PTPRD: variants seen among roughly 807,000 people sequenced by gnomAD.
PTPRD encodes protein tyrosine phosphatase receptor type D, also known as receptor-type tyrosine-protein phosphatase delta.
In PTPRD, 34 loss-of-function variants were observed where a neutral mutation model predicts 214.5. The observed-to-expected ratio is 0.16, with a 90% confidence interval of 0.12 to 0.21. The LOEUF is 0.21. Ranked by LOEUF, PTPRD falls within the 10% of genes least tolerant of loss-of-function variation. The probability of loss-of-function intolerance (pLI) is 1.00; values close to 1 mark genes in which losing one functional copy is unlikely to be tolerated. For missense variants in PTPRD, 2,545 were observed against 2,398.7 expected (o/e 1.06, Z -1.27); for synonymous variants, 1,128 against 845.7 (o/e 1.33, Z -5.79).
chr9:10,134,990 C>A (rs1268331867), intron 3 of PTPRD, among the ~76,000 whole-genome samples: 1 of 152,010 alleles, frequency 6.6e-6, no homozygotes, highest in African/African-American at 2.4e-5. Flanking sequence ...GGAAAACGGT[C>A]CAACAGCTGA....
chr9:10,279,097 C>G (rs75078712), intron 3 of PTPRD, among the ~76,000 whole-genome samples: 1 of 152,024 alleles, frequency 6.6e-6, no homozygotes. Flanking sequence ...AAGTTTTTAA[C>G]GGAACTCTGC....
chr9:8,929,681 T>TTATATATGTGTATATATATATGTGTGTA (rs2098930775), intron 11 of PTPRD, among the ~76,000 whole-genome samples: 1 of 119,768 alleles, frequency 8.3e-6, no homozygotes, highest in Non-Finnish European at 1.7e-5. Context: ...AGGTTTTCTT[T>TTATATATGTGTATATATATATGTGTGTA]TATATATGTG....
Position 8,317,988 on chromosome 9 carries a change from G to C in PTPRD, c.5671-46C>G, listed in dbSNP as rs748609852. On this transcript the variant is annotated intron_variant, in intron 45 of 45. Coordinates refer to ENST00000381196, the MANE Select transcript of PTPRD (RefSeq NM_002839.4). ...GGAGAAGCAAAAGAAGGGACCATGA[G>C]CATATTTTAATAGAAAAATAAAAAT... is the stretch of plus-strand genomic sequence containing the variant. The C allele has an allele frequency of 5.3e-6, 8 of 1,506,842 alleles. No homozygotes were observed. In the South Asian group the frequency reaches 5.7e-5, roughly 11 times the overall value. The allele number at this position is 1,506,842 out of a possible 1,614,324, so 93.3% of individuals were successfully genotyped here.
intron 43 of PTPRD, among the ~76,000 whole-genome samples, chr9:8,338,687 G>C (rs886955749): frequency 2.0e-5 from 3 of 152,050 alleles, no homozygotes; most frequent in East Asian, 3.9e-4. Flanking sequence ...CCAAGGTTGA[G>C]CTGCCAGATG....
At chr9:9,603,645 G>A (rs2093942071) in intron 7 of PTPRD, among the ~76,000 whole-genome samples, 1 of 152,108 alleles carries the variant, frequency 6.6e-6, no homozygotes, top group African/African-American at 2.4e-5. Flanking sequence ...TGAGGGATCT[G>A]AGTTTGGAGC....
At chr9:10,041,921 C>T (rs949213034) in intron 3 of PTPRD, among the ~76,000 whole-genome samples, 7 of 151,998 alleles carry the variant, frequency 4.6e-5, no homozygotes, top group African/African-American at 7.2e-5. Flanking sequence ...TAACATCCTC[C>T]TTAGAAGCAC....
intron 3 of PTPRD, among the ~76,000 whole-genome samples, chr9:10,183,784 A>C (rs1449966313): frequency 2.0e-5 from 3 of 152,186 alleles, no homozygotes; most frequent in Non-Finnish European, 4.4e-5. Flanking sequence ...AGCTCCAAGA[A>C]AATCAAAGCC....
At chr9:10,044,163 T>C (rs2097347877) in intron 3 of PTPRD, among the ~76,000 whole-genome samples, 2 of 151,778 alleles carry the variant, frequency 1.3e-5, no homozygotes. Context: ...TGTGAATGTG[T>C]AGAATGGATA....
chr9:9,275,236 T>A, intron 9 of PTPRD, among the ~76,000 whole-genome samples: 1 of 116,936 alleles, frequency 8.6e-6, no homozygotes, highest in African/African-American at 3.3e-5. Context: ...CATTTCATGC[T>A]CTTTGAATTT....
chr9:9,682,547 C>G (rs1165122472), intron 7 of PTPRD, among the ~76,000 whole-genome samples: 1 of 151,402 alleles, frequency 6.6e-6, no homozygotes, highest in Non-Finnish European at 1.5e-5. Context: ...AAGTGTGGGT[C>G]CTTATGGAGG....
chr9:9,195,646 CAG>C lies in PTPRD; in HGVS notation c.-202-12285_-202-12284del, dbSNP rs370732117. On this transcript the variant is annotated intron_variant, in intron 9 of 45. Coordinates refer to ENST00000381196, the MANE Select transcript of PTPRD (RefSeq NM_002839.4). Reference sequence around the variant, plus strand: ...ATTTGAATGGAGCATTCGCTTCCCACAGAGTCTGTGGTATTGTTGCTTTCAGC... The same window carrying C: ...ATTTGAATGGAGCATTCGCTTCCCACAGTCTGTGGTATTGTTGCTTTCAGC... Among the ~76,000 whole-genome samples the C allele has an allele frequency of 1.3e-4, 19 of 151,236 alleles. No individual in the cohort carries two copies. In the East Asian group the frequency reaches 2.2e-3, roughly 17 times the overall value.
At chr9:8,928,823 G>A (rs1024773690) in intron 11 of PTPRD, among the ~76,000 whole-genome samples, 13 of 152,108 alleles carry the variant, frequency 8.5e-5, no homozygotes, top group African/African-American at 3.1e-4. Context: ...CTATCCATGA[G>A]GATGGAATGT....
chr9:9,920,729 C>T (rs777463290), intron 5 of PTPRD, among the ~76,000 whole-genome samples: 1 of 152,004 alleles, frequency 6.6e-6, no homozygotes, highest in Non-Finnish European at 1.5e-5. Context: ...TATAGCCTGT[C>T]GATAACTAAA....
chr9:9,284,797 C>T (rs887161291), intron 9 of PTPRD, among the ~76,000 whole-genome samples: 1 of 151,746 alleles, frequency 6.6e-6, no homozygotes, highest in Non-Finnish European at 1.5e-5. Flanking sequence ...GACCACTTAA[C>T]CTTAACCTTT....
intron 2 of PTPRD, among the ~76,000 whole-genome samples, chr9:10,512,548 T>C (rs1027426773): frequency 6.6e-6 from 1 of 152,148 alleles, no homozygotes; most frequent in African/African-American, 2.4e-5. Flanking sequence ...TTTTATTTAA[T>C]TTCTACTTTA....
At chr9:9,253,925 G>C (rs2099976553) in intron 9 of PTPRD, among the ~76,000 whole-genome samples, 1 of 152,076 alleles carries the variant, frequency 6.6e-6, no homozygotes, top group Admixed American at 6.6e-5. Flanking sequence ...TCTGTGCCTA[G>C]TTCAGCCTCT....
At chr9:9,515,611 A>T (rs898880743) in intron 8 of PTPRD, among the ~76,000 whole-genome samples, 2 of 152,032 alleles carry the variant, frequency 1.3e-5, no homozygotes, top group African/African-American at 2.4e-5. Context: ...AACAATTATG[A>T]TTACAAGATA....
chr9:8,973,940 C>T (rs2099253722), intron 11 of PTPRD, among the ~76,000 whole-genome samples: 1 of 151,794 alleles, frequency 6.6e-6, no homozygotes, highest in South Asian at 2.1e-4. Flanking sequence ...GTTTACATTT[C>T]TTATAGATTC....
chr9:9,316,296 A>G (rs914849695), intron 9 of PTPRD, among the ~76,000 whole-genome samples: 5 of 152,028 alleles, frequency 3.3e-5, no homozygotes, highest in African/African-American at 1.2e-4. Context: ...GAAATACAAT[A>G]TCTGACAAGC....
Sources: gnomAD v4.1 joint callset for allele counts (sites outside exome capture counted in the v4.1 genomes callset) on GRCh38, gnomAD v4.1.1 for gene constraint, MANE v1.5 for transcripts, NCBI Gene and HGNC (gene_info 2026-07-23, HGNC 2026-07-21) for gene names.